PCSK6: variants seen among roughly 807,000 people sequenced by gnomAD.
PCSK6 encodes proprotein convertase subtilisin/kexin type 6, also known as paired basic amino acid cleaving enzyme 4.
A neutral mutation model predicts 123.3 loss-of-function variants in PCSK6; 85 were observed. That is an observed-to-expected ratio of 0.69 (90% CI 0.58 to 0.83). The LOEUF is 0.83. Ranked by LOEUF, PCSK6 falls within the 40% of genes least tolerant of loss-of-function variation. The probability of loss-of-function intolerance (pLI) is 0.00; values close to 1 mark genes in which losing one functional copy is unlikely to be tolerated. For missense variants in PCSK6, 1,191 were observed against 1,282.3 expected, an observed-to-expected ratio of 0.93 and a Z score of 1.09; for synonymous variants, 508 against 516.0, an observed-to-expected ratio of 0.98 and a Z score of 0.21.
chr15:101,451,691 C>T (rs1478984482), intron 1 of PCSK6, among the ~76,000 whole-genome samples: 4 of 152,202 alleles, frequency 2.6e-5, no homozygotes, highest in Admixed American at 6.5e-5. Flanking sequence ...CGGCATCTGC[C>T]GAGGGCCTTG....
intron 12 of PCSK6, among the ~76,000 whole-genome samples, chr15:101,368,812 A>T (rs1288354624): frequency 6.6e-6 from 1 of 152,218 alleles, no homozygotes; most frequent in East Asian, 1.9e-4. Context: ...GGCTGGTGTC[A>T]GACAGCTTCC....
intron 1 of PCSK6, among the ~76,000 whole-genome samples, chr15:101,457,431 G>A (rs567108300): frequency 6.6e-6 from 1 of 152,308 alleles, no homozygotes; most frequent in Non-Finnish European, 1.5e-5. Context: ...TCACGGCCTG[G>A]CACACAGAGA....
intron 1 of PCSK6, among the ~76,000 whole-genome samples, chr15:101,471,283 T>A (rs1212958126): frequency 1.3e-5 from 2 of 152,208 alleles, no homozygotes; most frequent in African/African-American, 2.4e-5. Flanking sequence ...AGGCTTCTAA[T>A]CCTCATCTCT....
intron 1 of PCSK6, among the ~76,000 whole-genome samples, chr15:101,448,608 T>C (rs2056952788): frequency 6.6e-6 from 1 of 152,236 alleles, no homozygotes; most frequent in African/African-American, 2.4e-5. Flanking sequence ...AAGCTTCATT[T>C]TCATAACAAC....
rs377067052 is a variant in PCSK6 at position 101,307,373 on chromosome 15, C to T, written c.2700-48G>A. The T allele has an allele frequency of 8.6e-6, 12 of 1,392,900 alleles. No individual in the cohort carries two copies. In the African/African-American group the frequency reaches 1.1e-4, roughly 13 times the overall value. 86.3% of individuals were successfully genotyped at this position (1,392,900 alleles called of 1,614,324 possible). A position where few individuals can be genotyped will look rare whatever the true frequency, so the allele number is the denominator to read the frequency against. ...CTGAAGTCTGGGGAAGAGGCTCCAC[C>T]ACTCCGGGCTCCCTTCCCAGAACCC... On this transcript the variant is annotated intron_variant, in intron 20 of 21. Coordinates refer to ENST00000611716, the MANE Select transcript of PCSK6 (RefSeq NM_002570.5).
intron 10 of PCSK6, among the ~76,000 whole-genome samples, chr15:101,383,016 ATTAG>A (rs2041951519): frequency 6.6e-6 from 1 of 152,204 alleles, no homozygotes; most frequent in Non-Finnish European, 1.5e-5. Context: ...TTAGTGTCAA[ATTAG>A]TTAGACCTGA....
At chr15:101,407,260 C>A (rs1417395977) in intron 6 of PCSK6, among the ~76,000 whole-genome samples, 1 of 152,188 alleles carries the variant, frequency 6.6e-6, no homozygotes, top group Non-Finnish European at 1.5e-5. Flanking sequence ...TATTTATCTG[C>A]CAAGGCAGTT....
intron 1 of PCSK6, among the ~76,000 whole-genome samples, chr15:101,448,710 T>C (rs886279169): frequency 2.0e-5 from 3 of 152,238 alleles, no homozygotes; most frequent in Non-Finnish European, 4.4e-5. Flanking sequence ...ATTTAGTCAA[T>C]GAACAGTCAG....
chr15:101,353,788 T>C (rs112578363), intron 13 of PCSK6, among the ~76,000 whole-genome samples: 7 of 152,050 alleles, frequency 4.6e-5, no homozygotes, highest in South Asian at 2.1e-4. Flanking sequence ...CCAGGTTGGG[T>C]TGAGGTGAGG....
At chr15:101,397,790 A>C (rs528905822) in intron 7 of PCSK6, among the ~76,000 whole-genome samples, 1 of 152,216 alleles carries the variant, frequency 6.6e-6, no homozygotes, top group Non-Finnish European at 1.5e-5. Context: ...ACCAAAGACC[A>C]CAGAGTGGCT....
At chr15:101,352,827 T>C (rs2040932508) in intron 13 of PCSK6, among the ~76,000 whole-genome samples, 1 of 152,244 alleles carries the variant, frequency 6.6e-6, no homozygotes, top group South Asian at 2.1e-4. Context: ...CTAACCCTTC[T>C]TTGTGAAGAA....
intron 19 of PCSK6, among the ~76,000 whole-genome samples, chr15:101,315,450 A>C (rs138206726): frequency 6.6e-6 from 1 of 152,380 alleles, no homozygotes; most frequent in East Asian, 1.9e-4. Flanking sequence ...ACCCACAATC[A>C]TAGCAATAAG....
At position 101,335,698 on chromosome 15, in the gene PCSK6, C is replaced by T. The variant is rs542573827; in HGVS notation, c.1859-3667G>A. Among the ~76,000 whole-genome samples the T allele has an allele frequency of 6.6e-5, 10 of 152,328 alleles. No homozygotes were observed. In the East Asian group the frequency reaches 1.7e-3, roughly 26 times the overall value. On this transcript the variant is annotated intron_variant, in intron 13 of 21. Coordinates refer to ENST00000611716, the MANE Select transcript of PCSK6 (RefSeq NM_002570.5). ...ATGTAGTGTTGTTTACTTAAACAATCCCCTACTCATGGACGTTTAGGTTGT... is the reference window on the plus strand; with the variant it reads ...ATGTAGTGTTGTTTACTTAAACAATTCCCTACTCATGGACGTTTAGGTTGT...
intron 11 of PCSK6, among the ~76,000 whole-genome samples, chr15:101,374,674 C>T (rs2041682320): frequency 1.3e-5 from 2 of 152,202 alleles, no homozygotes; most frequent in Non-Finnish European, 2.9e-5. Context: ...AGAAGGTCAT[C>T]CAGGAAACCC....
At chr15:101,489,347 T>TG in intron 1 of PCSK6, 27 bp downstream of exon 1, 1 of 1,130,084 alleles carries the variant, frequency 8.8e-7, no homozygotes. Flanking sequence ...GGGAAAGTTT[T>TG]GGGCGCGCGG....
At chr15:101,489,197 C>A (rs1291615370) in intron 1 of PCSK6, among the ~76,000 whole-genome samples, 177 bp downstream of exon 1, 1 of 68,264 alleles carries the variant, frequency 1.5e-5, no homozygotes, top group Non-Finnish European at 3.4e-5. Context: ...CGCGCCCCCC[C>A]GGGCGACACC....
intron 13 of PCSK6, among the ~76,000 whole-genome samples, chr15:101,357,057 T>C (rs974917981): frequency 5.3e-5 from 8 of 152,226 alleles, no homozygotes; most frequent in African/African-American, 1.7e-4. Context: ...AGAACACCAT[T>C]GGAGCAGTTT....
At chr15:101,407,101 T>G (rs1312835805) in intron 6 of PCSK6, among the ~76,000 whole-genome samples, 1 of 151,056 alleles carries the variant, frequency 6.6e-6, no homozygotes, top group Non-Finnish European at 1.5e-5. Flanking sequence ...GCTGGCAGTG[T>G]GGTGTGGCAA....
At chr15:101,321,633 C>T (rs1369426871) in intron 18 of PCSK6, among the ~76,000 whole-genome samples, 1 of 152,252 alleles carries the variant, frequency 6.6e-6, no homozygotes, top group Non-Finnish European at 1.5e-5. Flanking sequence ...CCAGTCCTCA[C>T]AGCATTTGAG....
Sources: gnomAD v4.1 joint callset for allele counts (sites outside exome capture counted in the v4.1 genomes callset) on GRCh38, gnomAD v4.1.1 for gene constraint, MANE v1.5 for transcripts, NCBI Gene and HGNC (gene_info 2026-07-23, HGNC 2026-07-21) for gene names.